Variants in SGCZ observed in about 807,000 individuals in gnomAD.
SGCZ encodes the protein sarcoglycan zeta.
Under a neutral mutation model 41.3 loss-of-function variants are expected in SGCZ, and 40 were observed. The observed-to-expected ratio is 0.97, with a 90% CI of 0.75 to 1.26. The LOEUF is 1.26. Ranked by LOEUF, SGCZ falls within the 50% of genes most tolerant of loss-of-function variation. The pLI, the probability that SGCZ is intolerant of heterozygous loss-of-function variation, is 0.00. For missense variants in SGCZ, 552 were observed against 369.8 expected, an observed-to-expected ratio of 1.49 and a Z score of -4.04; for synonymous variants, 206 against 137.5, an observed-to-expected ratio of 1.50 and a Z score of -3.49.
intron 5 of SGCZ, among the ~76,000 whole-genome samples, chr8:14,126,460 T>C (rs1407185133): frequency 1.2e-5 from 1 of 81,820 alleles, no homozygotes; most frequent in Non-Finnish European, 2.3e-5. Flanking sequence ...TGGCTATTAT[T>C]AAAAAGTAAA....
At chr8:14,240,598 G>A (rs1276101881) in intron 3 of SGCZ, among the ~76,000 whole-genome samples, 2 of 151,928 alleles carry the variant, frequency 1.3e-5, no homozygotes, top group Non-Finnish European at 2.9e-5. Context: ...CAGAGGTAGT[G>A]AGTTATTCTC....
At chr8:14,574,843 A>G (rs763503877) in intron 1 of SGCZ, among the ~76,000 whole-genome samples, 8 of 152,230 alleles carry the variant, frequency 5.3e-5, no homozygotes, top group Non-Finnish European at 8.8e-5. Context: ...AGAAAACAGG[A>G]ATGCAAAACT....
chr8:14,543,995 C>T (rs919588928), intron 2 of SGCZ, among the ~76,000 whole-genome samples: 5 of 152,018 alleles, frequency 3.3e-5, no homozygotes, highest in African/African-American at 1.2e-4. Context: ...CAAAGCTTCA[C>T]CTATCAGCAG....
intron 7 of SGCZ, among the ~76,000 whole-genome samples, chr8:14,094,075 C>T (rs1326979215): frequency 1.3e-5 from 2 of 152,058 alleles, no homozygotes; most frequent in Admixed American, 1.3e-4. Context: ...CAACAAAGCC[C>T]AGTTCATCTG....
intron 1 of SGCZ, among the ~76,000 whole-genome samples, chr8:14,830,566 G>A (rs1248897000): frequency 6.6e-6 from 1 of 152,102 alleles, no homozygotes; most frequent in Non-Finnish European, 1.5e-5. Flanking sequence ...ACAGATAACT[G>A]TGAAAGTCCA....
At chr8:14,384,205 A>T (rs1804481966) in intron 2 of SGCZ, among the ~76,000 whole-genome samples, 1 of 152,036 alleles carries the variant, frequency 6.6e-6, no homozygotes, top group South Asian at 2.1e-4. Context: ...TATGAGTGAG[A>T]ACATGCGGTG....
At chr8:14,438,948 T>C (rs1345291864) in intron 2 of SGCZ, among the ~76,000 whole-genome samples, 1 of 152,034 alleles carries the variant, frequency 6.6e-6, no homozygotes, top group Non-Finnish European at 1.5e-5. Context: ...AAAACACCTT[T>C]AGAATTCAAA....
chr8:14,556,238 T>C (rs1483615117), intron 1 of SGCZ, among the ~76,000 whole-genome samples: 2 of 151,698 alleles, frequency 1.3e-5, no homozygotes, highest in African/African-American at 4.8e-5. Context: ...TTGTTCATTA[T>C]TATCTCTTCA....
At chr8:14,478,095 G>A (rs1384510169) in intron 2 of SGCZ, among the ~76,000 whole-genome samples, 1 of 152,220 alleles carries the variant, frequency 6.6e-6, no homozygotes, top group African/African-American at 2.4e-5. Context: ...ATTCACTGCA[G>A]AAATGAAAAT....
intron 1 of SGCZ, among the ~76,000 whole-genome samples, chr8:15,089,543 A>G (rs1241544202): frequency 6.6e-6 from 1 of 152,156 alleles, no homozygotes; most frequent in Non-Finnish European, 1.5e-5. Flanking sequence ...TGGAAAATTA[A>G]CTTTCATCGA....
At chr8:14,134,242 T>C (rs1803127660) in intron 5 of SGCZ, among the ~76,000 whole-genome samples, 1 of 152,224 alleles carries the variant, frequency 6.6e-6, no homozygotes. Flanking sequence ...TGTGAAATTT[T>C]ACAAATTCAA....
intron 1 of SGCZ, among the ~76,000 whole-genome samples, chr8:15,039,043 G>C (rs1165174461): frequency 6.6e-6 from 1 of 152,106 alleles, no homozygotes; most frequent in Non-Finnish European, 1.5e-5. Flanking sequence ...ATGTAAATTA[G>C]TATGGCCACT....
intron 1 of SGCZ, among the ~76,000 whole-genome samples, chr8:14,829,234 G>GATAGGCCCCAGTGCATATTGTTGTCC (rs747994306): frequency 6.6e-6 from 1 of 151,404 alleles, no homozygotes; most frequent in African/African-American, 2.4e-5. Context: ...TATTGTTGCC[G>GATAGGCCCCAGTGCATATTGTTGTCC]TCTATATATC....
intron 1 of SGCZ, among the ~76,000 whole-genome samples, chr8:14,983,556 G>A (rs1304812327): frequency 6.6e-6 from 1 of 151,810 alleles, no homozygotes; most frequent in Non-Finnish European, 1.5e-5. Context: ...AGTTGCCCAG[G>A]CTGGTCTCAC....
chr8:14,412,033 A>T (rs918602243), intron 2 of SGCZ, among the ~76,000 whole-genome samples: 1 of 152,148 alleles, frequency 6.6e-6, no homozygotes, highest in Non-Finnish European at 1.5e-5. Context: ...GTTCACAACA[A>T]TATGACCATC....
chr8:15,184,611 G>A (rs139238583), intron 1 of SGCZ, among the ~76,000 whole-genome samples: 2 of 152,104 alleles, frequency 1.3e-5, no homozygotes, highest in African/African-American at 2.4e-5. Context: ...TTCAGGCAAC[G>A]GGAGTCCCCA....
At chr8:14,966,105 C>T (rs1801118420) in intron 1 of SGCZ, among the ~76,000 whole-genome samples, 1 of 151,502 alleles carries the variant, frequency 6.6e-6, no homozygotes, top group South Asian at 2.1e-4. Context: ...ACCTGAAAAG[C>T]TATAAGAAAG....
chr8:14,629,443 T>A (rs1020402922), intron 1 of SGCZ, among the ~76,000 whole-genome samples: 4 of 152,126 alleles, frequency 2.6e-5, no homozygotes. Context: ...TACAAACAGA[T>A]CCATCAAAAA....
At chr8:14,201,629 G>C (rs2117071462) in intron 4 of SGCZ, among the ~76,000 whole-genome samples, 1 of 152,248 alleles carries the variant, frequency 6.6e-6, no homozygotes, top group South Asian at 2.1e-4. Context: ...GAAGTGTCAG[G>C]GGAGTGGATG....
Sources: gnomAD v4.1 joint callset for allele counts (sites outside exome capture counted in the v4.1 genomes callset) on GRCh38, gnomAD v4.1.1 for gene constraint, MANE v1.5 for transcripts, NCBI Gene and HGNC (gene_info 2026-07-23, HGNC 2026-07-21) for gene names.